The following ZNF366 variants were observed in gnomAD, a reference collection of about 807,000 sequenced individuals.
ZNF366 encodes the protein zinc finger protein 366.
A neutral mutation model predicts 47.2 loss-of-function variants in ZNF366; 20 were observed. The ratio of observed to expected loss-of-function variants is 0.42; its 90% CI spans 0.30 to 0.62. ZNF366 has a LOEUF of 0.62. Among genes scored for constraint, ZNF366 ranks in the 20% least tolerant of loss-of-function variants. ZNF366 has a pLI of 0.16. For missense variants in ZNF366, 987 were observed against 976.3 expected (o/e 1.01, Z -0.15); for synonymous variants, 421 against 395.1 (o/e 1.07, Z -0.78).
chr5:72,460,447 G>T lies in ZNF366; in HGVS notation c.1050C>A (p.Ser350Arg), dbSNP rs558084315. The T allele has an allele frequency of 3.7e-6, 6 of 1,614,094 alleles. No individual in the cohort carries two copies. Among genetic ancestry groups the T allele is most frequent in the Non-Finnish European group, 3.4e-6 (4 of 1,180,014 alleles). The change falls in exon 2 of 5, where the codon AGC becomes AGA. Residue 350 changes from serine (S) to arginine (R), a missense_variant. This residue lies in a region of ZNF366 where 591 missense variants were observed against 560.9 expected (regional missense o/e 1.05). Coordinates refer to ENST00000318442, the MANE Select transcript of ZNF366 (RefSeq NM_152625.3). ...RVCGRGFAYP[S>R]ELKAHEAKHA... ...GCTTGGCTTCGTGGGCCTTGAGCTC[G>T]CTGGGGTAGGCAAAGCCGCGGCCGC...
chr5:72,465,269 AAT>A (rs1464557333), intron 1 of ZNF366, among the ~76,000 whole-genome samples: 14 of 152,118 alleles, frequency 9.2e-5, no homozygotes, highest in Admixed American at 9.2e-4. Context: ...TCTAGCTATT[AAT>A]ATCTCTGCCT....
chr5:72,447,470 T>C, intron 3 of ZNF366, 53 bp from the exon 4 acceptor site: 2 of 1,598,618 alleles, frequency 1.3e-6, no homozygotes, highest in Non-Finnish European at 1.7e-6. Flanking sequence ...TGAAGCCCCA[T>C]CCAGGCCCCT....
chr5:72,449,463 C>T (rs1047070303), intron 3 of ZNF366, among the ~76,000 whole-genome samples: 3 of 152,192 alleles, frequency 2.0e-5, no homozygotes, highest in African/African-American at 4.8e-5. Flanking sequence ...TCCCAAACTC[C>T]TGACCTCAAG....
Position 72,456,508 on chromosome 5 carries a change from T to G in ZNF366, c.1420A>C (p.Ile474Leu). Residue 474 changes from isoleucine to leucine, a missense_variant, in exon 3 of 5, where the codon ATC (isoleucine) becomes CTC (leucine). By Grantham distance (5) the Ile-to-Leu change is conservative. This residue lies in a region of ZNF366 where 111 missense variants were observed against 180.5 expected (regional missense o/e 0.61). Coordinates refer to ENST00000318442, the MANE Select transcript of ZNF366 (RefSeq NM_152625.3). ...CAGAGGTGACACTGGTAGGCGCGGATGTTGGTGTGGATCAGCACGTGTCGC... is the reference window on the plus strand; with the variant it reads ...CAGAGGTGACACTGGTAGGCGCGGAGGTTGGTGTGGATCAGCACGTGTCGC... ...MKRHVLIHTN[I>L]RAYQCHLCYK... The G allele has an allele frequency of 6.2e-7, 1 of 1,614,098 alleles. No homozygotes were observed. Among genetic ancestry groups the G allele is most frequent in the Non-Finnish European group, 8.5e-7 (1 of 1,179,958 alleles).
rs138429199 is a variant in ZNF366 at position 72,461,152 on chromosome 5, C to T, written c.345G>A (p.Leu115=). The T allele has an allele frequency of 6.2e-5, 100 of 1,614,152 alleles. No individual in the cohort carries two copies. The African/African-American group carries it at 1.2e-3, about 19-fold the overall frequency. Residue 115 remains leucine (L), a synonymous_variant, in exon 2 of 5, where the codon CTG becomes CTA. Coordinates refer to ENST00000318442, the MANE Select transcript of ZNF366 (RefSeq NM_152625.3). ...KNHGLPNLPL[L]FPQPPRPKYD... ...ACTTGGGGCGCGGGGGCTGCGGGAA[C>T]AGCAAAGGGAGGTTGGGAAGGCCGT...
intron 1 of ZNF366, among the ~76,000 whole-genome samples, chr5:72,493,918 C>CTTTTT (rs70999281): frequency 7.2e-4 from 45 of 62,528 alleles, no homozygotes; most frequent in South Asian, 4.1e-3. Context: ...CCATGCCCAG[C>CTTTTT]TTTTTTTTTT....
At chr5:72,494,161 A>G (rs1289967393) in intron 1 of ZNF366, 1 of 152,172 alleles carries the variant, frequency 6.6e-6, no homozygotes, top group Non-Finnish European at 1.5e-5. Flanking sequence ...AATACTAGTC[A>G]GTCCAAAAAC....
chr5:72,447,485 C>T (rs1742984016), intron 3 of ZNF366, 68 bp from the exon 4 acceptor site: 1 of 1,553,820 alleles, frequency 6.4e-7, no homozygotes, highest in Admixed American at 1.8e-5. Flanking sequence ...GCCCCTGGAG[C>T]ACAGATACCG....
chr5:72,460,800 C>G lies in ZNF366; in HGVS notation c.697G>C (p.Asp233His). The change falls in exon 2 of 5, where the codon GAC becomes CAC. Residue 233 changes from aspartate (D) to histidine (H), a missense_variant. Physicochemically the swap from Asp to His is moderately conservative, Grantham distance 81. Around this residue, in one of 3 missense-constraint regions of ZNF366, gnomAD observed 591 missense variants for 560.9 expected, o/e 1.05. Coordinates refer to ENST00000318442, the MANE Select transcript of ZNF366 (RefSeq NM_152625.3). ...CTGTCATCGATCTGCACGTTCACGT[C>G]CACCCTCTCCACCTTCTGCTTGGTC... ...EETKQKVERV[D>H]VNVQIDDSYY... 6.2e-7 allele frequency: 1 copy of G among 1,614,232 alleles called. No individual in the cohort carries two copies. The highest frequency in any genetic ancestry group is 1.3e-5 in the African/African-American group (1 of 75,070).
intron 1 of ZNF366, among the ~76,000 whole-genome samples, chr5:72,463,779 G>C (rs969207084): frequency 6.6e-6 from 1 of 152,200 alleles, no homozygotes; most frequent in African/African-American, 2.4e-5. Flanking sequence ...TCATCTCTTA[G>C]CTTGCAATCC....
At chr5:72,457,611 T>C (rs1036074924) in intron 2 of ZNF366, among the ~76,000 whole-genome samples, 1 of 152,184 alleles carries the variant, frequency 6.6e-6, no homozygotes, top group Non-Finnish European at 1.5e-5. Flanking sequence ...TTCTTTACTT[T>C]GAGGCATGGT....
chr5:72,500,371 C>T (rs189535105), intron 1 of ZNF366, among the ~76,000 whole-genome samples: 74 of 152,256 alleles, frequency 4.9e-4, no homozygotes, highest in Non-Finnish European at 8.7e-4. Flanking sequence ...TACCCTGAGC[C>T]AGCAGCTTGA....
Position 72,440,001 on chromosome 5 carries a change from CA to C in ZNF366, c.*3754del, listed in dbSNP as rs1320339598. 1 of 152,236 alleles carries C rather than the reference CA, an allele frequency of 6.6e-6. No individual in the cohort carries two copies. The highest frequency in any genetic ancestry group is 1.5e-5 in the Non-Finnish European group (1 of 68,048). The allele number at this position is 152,236 out of a possible 1,614,324, so 9.4% of individuals were successfully genotyped here. A position where few individuals can be genotyped will look rare whatever the true frequency, so the allele number is the denominator to read the frequency against. Reference sequence around the variant, plus strand: ...TCAGTGAAGCAGAAAGCAATATTCACAACTTGGGCTGCTATATACTTAGAGT... The same window carrying C: ...TCAGTGAAGCAGAAAGCAATATTCACACTTGGGCTGCTATATACTTAGAGT... On this transcript the variant is annotated 3_prime_UTR_variant, in exon 5 of 5. Transcript: ENST00000318442.
At chr5:72,493,205 C>T (rs1010904772) in intron 1 of ZNF366, among the ~76,000 whole-genome samples, 1 of 152,216 alleles carries the variant, frequency 6.6e-6, no homozygotes, top group Admixed American at 6.5e-5. Context: ...GTGTCAAAAA[C>T]AGTCTCAAGT....
intron 1 of ZNF366, among the ~76,000 whole-genome samples, chr5:72,492,741 C>A (rs536931669): frequency 6.6e-6 from 1 of 152,360 alleles, no homozygotes; most frequent in South Asian, 2.1e-4. Flanking sequence ...TTCTAACTTC[C>A]TTTGACCTTC....
intron 1 of ZNF366, among the ~76,000 whole-genome samples, chr5:72,506,664 TG>T (rs2112362562): frequency 6.6e-6 from 1 of 152,342 alleles, no homozygotes; most frequent in East Asian, 1.9e-4. Context: ...TCAACCCGCA[TG>T]GGGAACCTGA....
Position 72,460,922 on chromosome 5 carries a change from G to A in ZNF366, c.575C>T (p.Ser192Leu), listed in dbSNP as rs200898273. 8.1e-6 allele frequency: 13 copies of A among 1,612,088 alleles called. No homozygotes were observed. In the Admixed American group the frequency reaches 1.3e-4, roughly 17 times the overall value. The change falls in exon 2 of 5, where the codon TCG (serine) becomes TTG (leucine). Residue 192 changes from serine (S) to leucine (L), a missense_variant. Transcript: ENST00000318442. The stretch of plus-strand genomic sequence containing the variant: ...CCGGCTGAAGGGGAAGGGCGAGGAC[G>A]AGGGCACGAAGAAGGGGAACATGAG... ...PGLMFPFFVP[S>L]SSPFPFSRHT...
At chr5:72,482,378 A>C (rs1743806231) in intron 1 of ZNF366, among the ~76,000 whole-genome samples, 1 of 152,124 alleles carries the variant, frequency 6.6e-6, no homozygotes, top group Admixed American at 6.5e-5. Flanking sequence ...TCCCAGGCTC[A>C]ACGTATTTCA....
chr5:72,484,563 T>G (rs1017157796), intron 1 of ZNF366, among the ~76,000 whole-genome samples: 24 of 151,942 alleles, frequency 1.6e-4, no homozygotes, highest in African/African-American at 5.3e-4. Flanking sequence ...TCTAGAAAAA[T>G]TCAACTCTTT....
Sources: gnomAD v4.1 joint callset for allele counts (sites outside exome capture counted in the v4.1 genomes callset) on GRCh38, gnomAD v4.1.1 for gene constraint, gnomAD v4.1.1 regional missense constraint, MANE v1.5 for transcripts, NCBI Gene and HGNC (gene_info 2026-07-23, HGNC 2026-07-21) for gene names.